Variants in CNTLN observed in about 807,000 individuals in gnomAD.
CNTLN encodes centlein, also known as centlein, centrosomal protein.
A neutral mutation model predicts 180.0 loss-of-function variants in CNTLN; 212 were observed. That is an observed-to-expected ratio of 1.18 (90% CI 1.05 to 1.32). CNTLN has a LOEUF of 1.32. Among genes scored for constraint, CNTLN ranks in the 40% most tolerant of loss-of-function variants. The pLI is 0.00. For synonymous variants in CNTLN, 722 were observed against 563.1 expected (o/e 1.28, Z -3.99); for missense variants, 2,095 against 1,610.9 (o/e 1.30, Z -5.14).
chr9:17,414,460 ATTT>A (rs35321860), intron 16 of CNTLN, among the ~76,000 whole-genome samples: 26 of 150,068 alleles, frequency 1.7e-4, no homozygotes, highest in Admixed American at 3.3e-4. Context: ...TGTAGTTTGG[ATTT>A]TTTTTTTAAC....
chr9:17,327,377 G>A (rs1233313638), intron 8 of CNTLN, among the ~76,000 whole-genome samples: 1 of 151,506 alleles, frequency 6.6e-6, no homozygotes, highest in Non-Finnish European at 1.5e-5. Context: ...AGTGAGACGG[G>A]GTTTCACCGT....
intron 2 of CNTLN, among the ~76,000 whole-genome samples, chr9:17,147,648 G>T (rs970765764): frequency 6.6e-6 from 1 of 152,076 alleles, no homozygotes; most frequent in African/African-American, 2.4e-5. Context: ...TGCTGATAAG[G>T]ATTTATTTAA....
the CNTLN span, among the ~76,000 whole-genome samples, chr9:17,521,224 C>T: frequency 2.1e-5 from 3 of 143,826 alleles, no homozygotes; most frequent in Non-Finnish European, 4.5e-5. Flanking sequence ...AAAAGAGGCC[C>T]CTTGTGGTTT....
chr9:17,216,214 A>G (rs1444573506), intron 2 of CNTLN, among the ~76,000 whole-genome samples: 1 of 152,116 alleles, frequency 6.6e-6, no homozygotes, highest in Non-Finnish European at 1.5e-5. Context: ...GCTATTTTTA[A>G]TAATTAGTGG....
chr9:17,520,699 G>A, the CNTLN span, among the ~76,000 whole-genome samples: 70 of 152,304 alleles, frequency 4.6e-4, no homozygotes, highest in African/African-American at 1.6e-3. Flanking sequence ...CTAAAATTAT[G>A]AATTCAGTTC....
intron 7 of CNTLN, chr9:17,301,843 A>G (rs1429556167): frequency 8.2e-6 from 8 of 976,902 alleles, no homozygotes; most frequent in Non-Finnish European, 9.7e-6. Flanking sequence ...TACTGTGAAC[A>G]TTTTGAATAT....
chr9:17,243,542 A>G (rs567458808), intron 5 of CNTLN, among the ~76,000 whole-genome samples: 79 of 146,904 alleles, frequency 5.4e-4, no homozygotes, highest in Middle Eastern at 3.4e-3. Flanking sequence ...GGAATTTTTC[A>G]GTTTTCTTCT....
chr9:17,505,653 G>C (rs1359434897), downstream of CNTLN, among the ~76,000 whole-genome samples: 2 of 152,080 alleles, frequency 1.3e-5, no homozygotes, highest in Non-Finnish European at 2.9e-5. Context: ...TAAATTAGGA[G>C]ACATAGTAAG....
In CNTLN at chr9:17,366,676, C is replaced by G. The variant is rs201258471; in HGVS notation, c.1946C>G (p.Ala649Gly). The G allele has an allele frequency of 6.3e-7, 1 of 1,585,552 alleles. No homozygotes were observed. Among genetic ancestry groups the G allele is most frequent in the Non-Finnish European group, 8.6e-7 (1 of 1,161,434 alleles). The stretch of plus-strand genomic sequence containing the variant: ...GTACATATATCTATTGATAAGGCAG[C>G]AATACAAGAATTGAATAGATGTGTG... Reference protein sequence around the residue: ...LKVHISIDKAAIQELNRCVAE... With the variant: ...LKVHISIDKAGIQELNRCVAE... The change falls in exon 13 of 26, where the codon GCA becomes GGA. Residue 649 changes from alanine (A) to glycine (G), a missense_variant. Transcript: ENST00000380647.
chr9:17,310,553 G>C (rs1041961705), intron 8 of CNTLN, among the ~76,000 whole-genome samples: 1 of 152,052 alleles, frequency 6.6e-6, no homozygotes, highest in Non-Finnish European at 1.5e-5. Flanking sequence ...GTTTCTTGAC[G>C]TACACGTTCA....
chr9:17,454,199 A>C (rs1439686418), intron 18 of CNTLN, among the ~76,000 whole-genome samples: 1 of 152,120 alleles, frequency 6.6e-6, no homozygotes, highest in Non-Finnish European at 1.5e-5. Flanking sequence ...TCAGGGATTT[A>C]TGCTTCCTCA....
chr9:17,312,367 T>TATAATATATATATATATATA (rs1819228386), intron 8 of CNTLN, among the ~76,000 whole-genome samples: 1 of 10,958 alleles, frequency 9.1e-5, no homozygotes, highest in African/African-American at 2.0e-4. Context: ...ATATATATTA[T>TATAATATATATATATATATA]ATATATATAT....
intron 16 of CNTLN, among the ~76,000 whole-genome samples, chr9:17,414,770 A>G (rs1310590032): frequency 6.6e-6 from 1 of 152,188 alleles, no homozygotes; most frequent in African/African-American, 2.4e-5. Flanking sequence ...TCTAGATTGC[A>G]TATATCTATG....
chr9:17,298,232 T>C lies in CNTLN; in HGVS notation c.1026T>C (p.Ser342=). 1 of 1,609,784 alleles carries C rather than the reference T, an allele frequency of 6.2e-7. No individual in the cohort carries two copies. Among genetic ancestry groups the C allele is most frequent in the Non-Finnish European group, 8.5e-7 (1 of 1,178,572 alleles). ...QELQNLYKQN[S]THTAQQAELI... is the part of the protein sequence containing the mutation. ...TGCAGAATCTTTACAAACAGAACAG[T>C]ACACATACAGCCCAGCAAGCAGAGC... is the stretch of plus-strand genomic sequence containing the variant. The change falls in exon 7 of 26, where the codon AGT becomes AGC. Residue 342 remains serine (S), a synonymous_variant. Transcript: ENST00000380647.
At chr9:17,468,517 T>C (rs1831877183) in intron 23 of CNTLN, among the ~76,000 whole-genome samples, 2 of 151,736 alleles carry the variant, frequency 1.3e-5, no homozygotes, top group East Asian at 3.9e-4. Context: ...TGTGGAGCTT[T>C]TGGCTAAGAT....
intron 5 of CNTLN, among the ~76,000 whole-genome samples, chr9:17,260,984 A>T (rs1190513105): frequency 6.6e-6 from 1 of 151,156 alleles, no homozygotes; most frequent in Non-Finnish European, 1.5e-5. Context: ...AGGTAATTGT[A>T]GGTGTGCAAC....
intron 3 of CNTLN, among the ~76,000 whole-genome samples, chr9:17,231,594 G>C (rs1824819696): frequency 6.6e-6 from 1 of 151,822 alleles, no homozygotes; most frequent in Non-Finnish European, 1.5e-5. Flanking sequence ...TTACCTTCTA[G>C]GAAGCTCAGA....
At chr9:17,419,299 G>A (rs1471978352) in intron 18 of CNTLN, among the ~76,000 whole-genome samples, 1 of 152,058 alleles carries the variant, frequency 6.6e-6, no homozygotes, top group Non-Finnish European at 1.5e-5. Context: ...ATGCGCTATA[G>A]CCCTATACTA....
chr9:17,332,907 T>C (rs1226549959), intron 10 of CNTLN, among the ~76,000 whole-genome samples, 177 bp downstream of exon 10: 3 of 152,096 alleles, frequency 2.0e-5, no homozygotes, highest in East Asian at 1.9e-4. Context: ...TAAAATAATA[T>C]AAAATATTTG....
Sources: gnomAD v4.1 joint callset for allele counts (sites outside exome capture counted in the v4.1 genomes callset) on GRCh38, gnomAD v4.1.1 for gene constraint, MANE v1.5 for transcripts, NCBI Gene and HGNC (gene_info 2026-07-23, HGNC 2026-07-21) for gene names.